Variants in ZMIZ2 observed in about 807,000 individuals in gnomAD.
ZMIZ2 encodes the protein zinc finger MIZ-type containing 2, also known as zinc finger MIZ domain-containing protein 2.
ZMIZ2 carries 26 observed loss-of-function variants against 93.9 expected under a neutral mutation model. The ratio of observed to expected loss-of-function variants is 0.28; its 90% CI spans 0.20 to 0.38. ZMIZ2 has a LOEUF of 0.38. Among genes scored for constraint, ZMIZ2 ranks in the 10% least tolerant of loss-of-function variants. The pLI is 1.00. For synonymous variants in ZMIZ2, 485 were observed against 516.4 expected (o/e 0.94, Z 0.82); for missense variants, 1,023 against 1,235.0 (o/e 0.83, Z 2.57).
In ZMIZ2 at chr7:44,763,007, A is replaced by C. The variant is rs1583649134; in HGVS notation, c.1702+21A>C. 1 of 1,598,490 alleles carries C rather than the reference A, an allele frequency of 6.3e-7. No individual in the cohort carries two copies. The highest frequency in any genetic ancestry group is 8.5e-7 in the Non-Finnish European group (1 of 1,170,524). ...CAAGAGTGAGTGGCTCCTGCCCCTC[A>C]GCTGCCAGGCAGCCATCCCCATTCT... On this transcript the variant is annotated intron_variant, in intron 12 of 18. Coordinates refer to ENST00000309315, the MANE Select transcript of ZMIZ2 (RefSeq NM_031449.4). The surrounding 1 kb of genome is among the most constrained non-coding windows in gnomAD (Gnocchi z 5.6).
At chr7:44,749,030 C>T (rs978242991) in intron 1 of ZMIZ2, 39 bp downstream of exon 1, 1 of 151,966 alleles carries the variant, frequency 6.6e-6, no homozygotes, top group African/African-American at 2.4e-5. Context: ...GCAACGCCGC[C>T]AGCAGGCAGG....
intron 13 of ZMIZ2, among the ~76,000 whole-genome samples, chr7:44,764,011 G>T (rs144431893): frequency 4.7e-4 from 71 of 152,260 alleles, no homozygotes; most frequent in African/African-American, 1.5e-3. Flanking sequence ...GGTGGTGTGT[G>T]CCTGTAATCC....
chr7:44,768,658 G>A lies in ZMIZ2; in HGVS notation c.*1035G>A, dbSNP rs555089192. ...GCCTGGGCTGTTGTGTCTCCTGTCT[G>A]TGCCGATCTCTATTAAAGGACTCCC... On this transcript the variant is annotated 3_prime_UTR_variant, in exon 19 of 19. Transcript: ENST00000309315. 1 of 152,322 alleles carries A rather than the reference G, an allele frequency of 6.6e-6. No homozygotes were observed. The highest frequency in any genetic ancestry group is 2.1e-4 in the South Asian group (1 of 4,806). 9.4% of individuals were successfully genotyped at this position (152,322 alleles called of 1,614,324 possible). A position where few individuals can be genotyped will look rare whatever the true frequency, so the allele number is the denominator to read the frequency against.
At chr7:44,762,852 C>A in intron 11 of ZMIZ2, 29 bp from the exon 12 acceptor site, 1 of 1,579,046 alleles carries the variant, frequency 6.3e-7, no homozygotes, top group Non-Finnish European at 8.6e-7. Context: ...CCCAAGTCCC[C>A]CTGATGACAT....
chr7:44,759,190 G>C, intron 6 of ZMIZ2, 91 bp from the exon 7 acceptor site: 1 of 1,225,778 alleles, frequency 8.2e-7, no homozygotes. Context: ...TCCATTCCCC[G>C]AACCCTGCCA....
intron 6 of ZMIZ2, among the ~76,000 whole-genome samples, 158 bp downstream of exon 6, chr7:44,758,266 G>A (rs1790794372): frequency 6.6e-6 from 1 of 152,050 alleles, no homozygotes. Flanking sequence ...GATCCCTTGA[G>A]CTCAGGAGTT....
intron 8 of ZMIZ2, 86 bp downstream of exon 8, chr7:44,760,314 C>T: frequency 6.4e-7 from 1 of 1,563,078 alleles, no homozygotes; most frequent in Non-Finnish European, 8.7e-7. Context: ...ACCCCTGGGG[C>T]CGCCTCCTGT....
rs755285729 is a variant in ZMIZ2, at chr7:44,765,497, C to T, written c.2160C>T (p.Ile720=). 6 of 1,599,788 alleles carry T rather than the reference C, an allele frequency of 3.8e-6. No homozygotes were observed. Among genetic ancestry groups the T allele is most frequent in the Non-Finnish European group, 4.2e-6 (5 of 1,179,606 alleles). ...HVLMPSVMEM[I]AALGPGAAPF... Reference sequence around the variant, plus strand: ...TCATGCCCAGCGTGATGGAGATGATCGCCGCCCTGGGCCCCGGCGCTGCCC... The same window carrying T: ...TCATGCCCAGCGTGATGGAGATGATTGCCGCCCTGGGCCCCGGCGCTGCCC... Residue 720 remains isoleucine (I), a synonymous_variant, in exon 16 of 19, where the codon ATC becomes ATT. Transcript: ENST00000309315. The surrounding 1 kb of genome is among the most constrained non-coding windows in gnomAD (Gnocchi z 4.1).
intron 3 of ZMIZ2, 154 bp from the exon 4 acceptor site, chr7:44,756,793 G>A: frequency 1.0e-6 from 1 of 983,986 alleles, no homozygotes; most frequent in Non-Finnish European, 1.5e-6. Flanking sequence ...CCTCCCTGTG[G>A]ACAGCTGCTT....
chr7:44,752,223 GT>G (rs1409203520), intron 1 of ZMIZ2, among the ~76,000 whole-genome samples: 1 of 151,774 alleles, frequency 6.6e-6, no homozygotes, highest in Non-Finnish European at 1.5e-5. Flanking sequence ...CACCTCCTGG[GT>G]TCAAATGATT....
At position 44,761,361 on chromosome 7, in the gene ZMIZ2, G is replaced by C. The variant is rs1562738226; in HGVS notation, c.1241-88G>C. 6.5e-7 allele frequency: 1 copy of C among 1,544,300 alleles called. No individual in the cohort carries two copies. The highest frequency in any genetic ancestry group is 1.4e-5 in the African/African-American group (1 of 73,698). ...CTTCACCAAGGTCCCTGCGGGGAAG[G>C]TGGCTGGGGAGCCGCTGCCCTCCTT... is the stretch of plus-strand genomic sequence containing the variant. On this transcript the variant is annotated intron_variant, in intron 9 of 18. Transcript: ENST00000309315. This position sits in a 1 kb window ranked among gnomAD's most constrained non-coding sequence, Gnocchi z 5.8.
intron 1 of ZMIZ2, among the ~76,000 whole-genome samples, chr7:44,755,088 TATTTA>T (rs1790477420): frequency 6.6e-6 from 1 of 152,162 alleles, no homozygotes; most frequent in Non-Finnish European, 1.5e-5. Context: ...TTCCGTGGCT[TATTTA>T]CTAAATGGGG....
chr7:44,750,290 T>C (rs1198482689), intron 1 of ZMIZ2, among the ~76,000 whole-genome samples: 3 of 152,218 alleles, frequency 2.0e-5, no homozygotes, highest in Non-Finnish European at 4.4e-5. Flanking sequence ...TCCTGGACTT[T>C]TTGATGAACT....
rs1215214024 is a variant in ZMIZ2, at chr7:44,758,027, G to C, written c.732G>C (p.Gln244His). 1 of 1,610,978 alleles carries C rather than the reference G, an allele frequency of 6.2e-7. No individual in the cohort carries two copies. The highest frequency in any genetic ancestry group is 8.5e-7 in the Non-Finnish European group (1 of 1,178,760). ...GAATGACACCCTTGTATGCAGGGCAGCGTCTGCCCCAACATGGGTATCCTG... is the reference window on the plus strand; with the variant it reads ...GAATGACACCCTTGTATGCAGGGCACCGTCTGCCCCAACATGGGTATCCTG... ...AAGMTPLYAGQRLPQHGYPGP... is the reference protein window; with the variant it reads ...AAGMTPLYAGHRLPQHGYPGP... The change falls in exon 6 of 19, where the codon CAG (glutamine) becomes CAC (histidine). Residue 244 changes from glutamine (Q) to histidine (H), a missense_variant. Gln to His is a conservative substitution (Grantham distance 24). Transcript: ENST00000309315.
intron 11 of ZMIZ2, 46 bp from the exon 12 acceptor site, chr7:44,762,834 GC>G: frequency 6.6e-7 from 1 of 1,510,792 alleles, no homozygotes; most frequent in Non-Finnish European, 9.0e-7. Context: ...GGCCAGGGTG[GC>G]CCCTGGCCCA....
At chr7:44,759,733 G>T in intron 7 of ZMIZ2, 1 of 476,558 alleles carries the variant, frequency 2.1e-6, no homozygotes. Context: ...GGTATCCTGT[G>T]CAGGGAGCAG....
intron 4 of ZMIZ2, 23 bp from the exon 5 acceptor site, chr7:44,757,355 T>A: frequency 6.3e-7 from 1 of 1,594,384 alleles, no homozygotes; most frequent in Non-Finnish European, 8.5e-7. Flanking sequence ...GCAGAGAGCG[T>A]GGCAATCCTG....
intron 6 of ZMIZ2, 141 bp downstream of exon 6, chr7:44,758,249 G>T: frequency 8.7e-7 from 1 of 1,144,136 alleles, no homozygotes. Context: ...GGAAACCAAG[G>T]AGGGTGGATC....
In ZMIZ2 at chr7:44,764,608, T is replaced by C. The variant is rs965893180; in HGVS notation, c.1928+122T>C. The C allele has an allele frequency of 4.3e-6, 5 of 1,160,848 alleles. No homozygotes were observed. The African/African-American group carries it at 7.6e-5, about 18-fold the overall frequency. The allele number at this position is 1,160,848 out of a possible 1,614,324, so 71.9% of individuals were successfully genotyped here. A position where few individuals can be genotyped will look rare whatever the true frequency, so the allele number is the denominator to read the frequency against. On this transcript the variant is annotated intron_variant, in intron 14 of 18. Coordinates refer to ENST00000309315, the MANE Select transcript of ZMIZ2 (RefSeq NM_031449.4). ...TGCTGGGAGGAGTCACTGCATGGAC[T>C]GGGGTTGTGCAGCTCAGCGCAGAGA...
Sources: gnomAD v4.1 joint callset for allele counts (sites outside exome capture counted in the v4.1 genomes callset) on GRCh38, gnomAD v4.1.1 for gene constraint, Gnocchi (gnomAD v3.1) non-coding constraint, MANE v1.5 for transcripts, NCBI Gene and HGNC (gene_info 2026-07-23, HGNC 2026-07-21) for gene names.